CLIC2: variants seen among roughly 807,000 people sequenced by gnomAD.
CLIC2 encodes CLIC family member 2.
In CLIC2, 9 loss-of-function variants were observed where a neutral mutation model predicts 14.8. The observed-to-expected ratio is 0.61, with a 90% confidence interval of 0.37 to 1.06. CLIC2 has a LOEUF of 1.06. Among genes scored for constraint, CLIC2 ranks in the 50% least tolerant of loss-of-function variants. The pLI, the probability that CLIC2 is intolerant of heterozygous loss-of-function variation, is 0.01. For missense variants in CLIC2, 148 were observed against 181.4 expected, an observed-to-expected ratio of 0.82 and a Z score of 1.06; for synonymous variants, 61 against 66.3, an observed-to-expected ratio of 0.92 and a Z score of 0.39.
chrX:155,310,445 T>A (rs782115088), intron 1 of CLIC2: 1 of 282,454 alleles, frequency 3.5e-6, no homozygotes, highest in South Asian at 4.0e-5. Flanking sequence ...GGCCACTTGG[T>A]CCATCCTGAC....
intron 1 of CLIC2, among the ~76,000 whole-genome samples, chrX:155,311,954 G>C (rs1046154957): frequency 1.9e-4 from 21 of 111,598 alleles, no homozygotes; most frequent in Non-Finnish European, 3.8e-4. Flanking sequence ...CTCCCACTGG[G>C]TCCCTCCCAC....
chrX:155,279,131 T>C lies in CLIC2; in HGVS notation c.582+18A>G. 8.3e-7 allele frequency: 1 copy of C among 1,204,766 alleles called. No homozygotes were observed. The highest frequency in any genetic ancestry group is 1.1e-6 in the Non-Finnish European group (1 of 889,558). On this transcript the variant is annotated intron_variant, in intron 5 of 5. Transcript: ENST00000369449. ...GCAAACCCCTCCCACCCATTCAGCC[T>C]GCCTTATAAAGACTTACTTTAATAA...
chrX:155,317,577 C>G (rs894401048), intron 1 of CLIC2, among the ~76,000 whole-genome samples: 99 of 111,369 alleles, frequency 8.9e-4, no homozygotes, highest in African/African-American at 3.0e-3. Flanking sequence ...AAATTGCCAA[C>G]AACAACAACA....
chrX:155,305,182 G>A (rs1453348943), intron 1 of CLIC2, among the ~76,000 whole-genome samples: 1 of 112,022 alleles, frequency 8.9e-6, no homozygotes, highest in African/African-American at 3.2e-5. Flanking sequence ...CCCCAGCCTC[G>A]CTGCCACCTT....
At chrX:155,304,353 T>C (rs1311105276) in intron 1 of CLIC2, among the ~76,000 whole-genome samples, 19 of 100,802 alleles carry the variant, frequency 1.9e-4, no homozygotes, top group African/African-American at 6.8e-4. Context: ...GCTGATACCC[T>C]TTCTTCCAGT....
chrX:155,326,219 T>C (rs1240188133), intron 1 of CLIC2, among the ~76,000 whole-genome samples: 1 of 111,083 alleles, frequency 9.0e-6, no homozygotes, highest in East Asian at 2.8e-4. Flanking sequence ...GTTGTATACA[T>C]TGAATATATA....
chrX:155,334,480 AC>A lies in CLIC2; in HGVS notation c.-54del. ...TCCTGCCTCCTGTAGAGTCCACAAT[AC>A]TTGTAGACTCTTTTCTCAATTTTAT... On this transcript the variant is annotated 5_prime_UTR_variant, in exon 1 of 6. Transcript: ENST00000369449. 9 of 948,579 alleles carry A rather than the reference AC, an allele frequency of 9.5e-6. No homozygotes were observed. Among genetic ancestry groups the A allele is most frequent in the Non-Finnish European group, 1.4e-5 (9 of 656,511 alleles). The allele number at this position is 948,579 out of a possible 1,213,427, so 78.2% of individuals were successfully genotyped here.
chrX:155,279,341 G>A lies in CLIC2; in HGVS notation c.401-11C>T. 8.6e-7 allele frequency: 1 copy of A among 1,168,954 alleles called. No homozygotes were observed. On this transcript the variant is annotated splice_polypyrimidine_tract_variant and intron_variant, in intron 4 of 5. Transcript: ENST00000369449. ...GAGATTTTTCAAAATCTGAGGCAAT[G>A]AAGTAATAGAGTTACTTGTAAATGT...
intron 1 of CLIC2, among the ~76,000 whole-genome samples, chrX:155,302,364 C>A (rs1186189359): frequency 3.7e-5 from 4 of 109,336 alleles, no homozygotes; most frequent in African/African-American, 9.9e-5. Flanking sequence ...AGTTTATTTG[C>A]GTAGAGGTGT....
At chrX:155,287,323 T>TTTTC (rs1171809916) in intron 3 of CLIC2, among the ~76,000 whole-genome samples, 50 of 111,408 alleles carry the variant, frequency 4.5e-4, no homozygotes, top group African/African-American at 1.6e-3. Context: ...GTGCCTGTTT[T>TTTTC]TTTCTTTCTT....
intron 3 of CLIC2, chrX:155,292,349 G>A (rs1264269760): frequency 1.1e-5 from 6 of 561,207 alleles, no homozygotes; most frequent in Admixed American, 4.5e-5. Context: ...TTGTTTTAAC[G>A]ATAAAGGAAT....
chrX:155,278,047 A>G lies in CLIC2; in HGVS notation c.600T>C (p.Tyr200=), dbSNP rs367945698. The change falls in exon 6 of 6, where the codon TAT becomes TAC. Residue 200 remains tyrosine (Y), a synonymous_variant. Transcript: ENST00000369449. ...LNIIKVAAKK[Y]RDFDIPAEFS... ...ATTCTGCTGGAATGTCAAAGTCACG[A>G]TATTTCTTGGCAGCAACCTAGAATT... 8.3e-6 allele frequency: 10 copies of G among 1,209,370 alleles called. No homozygotes were observed. In the African/African-American group the frequency reaches 1.7e-4, roughly 21 times the overall value.
chrX:155,316,020 A>G (rs905636288), intron 1 of CLIC2, among the ~76,000 whole-genome samples: 1 of 111,835 alleles, frequency 8.9e-6, no homozygotes, highest in Admixed American at 9.5e-5. Context: ...AGACAAACAG[A>G]GACATTAAAG....
intron 1 of CLIC2, among the ~76,000 whole-genome samples, chrX:155,325,763 T>TAG (rs1569561397): frequency 2.1e-4 from 1 of 4,813 alleles, no homozygotes; most frequent in Non-Finnish European, 3.3e-4. Flanking sequence ...GAAAATGTGA[T>TAG]ATATATATAT....
At chrX:155,278,940 GA>G (rs370722843) in intron 5 of CLIC2, 21 of 393,832 alleles carry the variant, frequency 5.3e-5, no homozygotes, top group African/African-American at 1.3e-4. Context: ...TCTCAAAAAA[GA>G]AAAAAAAAGA....
At chrX:155,290,939 T>C in intron 3 of CLIC2, 1 of 708,687 alleles carries the variant, frequency 1.4e-6, no homozygotes, top group Non-Finnish European at 2.3e-6. Flanking sequence ...CTGCAGTCAG[T>C]GGGGCAGGGG....
In CLIC2 at chrX:155,311,390, C is replaced by G. The variant is rs782305495; in HGVS notation, c.58-12245G>C. ...GGCAGGGACAAAATGCTGCCAGTCT[C>G]TTTGCTAAAACATAACAAGTGTCAC... On this transcript the variant is annotated intron_variant, in intron 1 of 5. Transcript: ENST00000369449. Among the ~76,000 whole-genome samples the G allele has an allele frequency of 7.9e-4, 89 of 111,955 alleles. 1 individual carries two copies. The highest frequency in any genetic ancestry group is 2.7e-3 in the African/African-American group (84 of 30,830).
In CLIC2 at chrX:155,292,524, A is replaced by C. The variant is rs2074971831; in HGVS notation, c.293+6261T>G. On this transcript the variant is annotated intron_variant, in intron 3 of 5. Coordinates refer to ENST00000369449, the MANE Select transcript of CLIC2 (RefSeq NM_001289.6). The stretch of plus-strand genomic sequence containing the variant: ...TAAGAAAGCTGCCTGTAATCCCAGC[A>C]CTTTGGGAGGCCGAGGTGGGCAGAT... 3 of 512,846 alleles carry C rather than the reference A, an allele frequency of 5.8e-6. No individual in the cohort carries two copies. The East Asian group carries it at 1.1e-4, about 19-fold the overall frequency. 42.3% of individuals were successfully genotyped at this position (512,846 alleles called of 1,213,427 possible). A position where few individuals can be genotyped will look rare whatever the true frequency, so the allele number is the denominator to read the frequency against.
chrX:155,326,739 G>T (rs782234501), intron 1 of CLIC2, among the ~76,000 whole-genome samples: 33 of 111,425 alleles, frequency 3.0e-4, no homozygotes, highest in African/African-American at 8.1e-4. Context: ...TCATGGAGTA[G>T]TACTCAGCAA....
Sources: allele counts gnomAD v4.1 joint callset (sites outside exome capture counted in the v4.1 genomes callset), GRCh38; gene constraint gnomAD v4.1.1; transcripts MANE v1.5; gene names NCBI Gene and HGNC (gene_info 2026-07-23, HGNC 2026-07-21).